The following BLK variants were observed in gnomAD, a reference collection of about 807,000 sequenced individuals.
The protein encoded by BLK is BLK proto-oncogene, Src family tyrosine kinase, also known as tyrosine-protein kinase Blk.
BLK carries 64 observed loss-of-function variants against 61.8 expected under a neutral mutation model. That is an observed-to-expected ratio of 1.03 (90% CI 0.85 to 1.27). The LOEUF (loss-of-function observed/expected upper bound fraction) is 1.27, where lower values mean the gene tolerates loss of function less well. Ranked by LOEUF, BLK falls within the 50% of genes most tolerant of loss-of-function variation. The pLI, the probability that BLK is intolerant of heterozygous loss-of-function variation, is 0.00. For missense variants in BLK, 853 were observed against 660.5 expected (o/e 1.29, Z -3.19); for synonymous variants, 351 against 272.0 (o/e 1.29, Z -2.86).
chr8:11,531,396 C>T (rs575930504), intron 1 of BLK, among the ~76,000 whole-genome samples: 19 of 152,244 alleles, frequency 1.2e-4, no homozygotes, highest in African/African-American at 4.3e-4. Flanking sequence ...TAGAAGGTCA[C>T]GTTTGTATGC....
intron 11 of BLK, 130 bp from the exon 12 acceptor site, chr8:11,562,849 G>A: frequency 1.5e-6 from 2 of 1,304,436 alleles, no homozygotes; most frequent in Non-Finnish European, 2.1e-6. Context: ...GCCATGCCTG[G>A]CCGCCCCGCC....
chr8:11,554,986 G>C lies in BLK; in HGVS notation c.619+97G>C, dbSNP rs1801129636. ...TTGTGTGAGTCATTGGTGCCACCTT[G>C]GGGGATGGAAAGATTATCCCAAAGT... On this transcript the variant is annotated intron_variant, in intron 7 of 12. Coordinates refer to ENST00000259089, the MANE Select transcript of BLK (RefSeq NM_001715.3). 4.6e-6 allele frequency: 7 copies of C among 1,519,590 alleles called. No individual in the cohort carries two copies. In the South Asian group the frequency reaches 5.9e-5, roughly 13 times the overall value. 94.1% of individuals were successfully genotyped at this position (1,519,590 alleles called of 1,614,324 possible).
intron 1 of BLK, among the ~76,000 whole-genome samples, chr8:11,531,806 A>C (rs1322949830): frequency 6.6e-6 from 1 of 152,034 alleles, no homozygotes; most frequent in Non-Finnish European, 1.5e-5. Flanking sequence ...AAGCCCTCTG[A>C]CCTTCCTTCT....
chr8:11,520,786 G>T (rs921333553), intron 1 of BLK, among the ~76,000 whole-genome samples: 17 of 152,084 alleles, frequency 1.1e-4, no homozygotes, highest in African/African-American at 3.9e-4. Context: ...TTGTCTTTCA[G>T]GGAAATCTAA....
chr8:11,559,059 G>A lies in BLK; in HGVS notation c.1029+1021G>A, dbSNP rs181300894. The A allele has an allele frequency of 3.0e-3, 1,342 of 453,092 alleles. 5 individuals carry two copies. The highest frequency in any genetic ancestry group is 4.3e-3 in the Non-Finnish European group (975 of 224,588). The allele number at this position is 453,092 out of a possible 1,614,324, so 28.1% of individuals were successfully genotyped here. A position where few individuals can be genotyped will look rare whatever the true frequency, so the allele number is the denominator to read the frequency against. ...AGTGATAAGCCTGCCCACTGCTGCT[G>A]CTTCCTTTCCCCTTCCTTCTCTCAC... On this transcript the variant is annotated intron_variant, in intron 10 of 12. Coordinates refer to ENST00000259089, the MANE Select transcript of BLK (RefSeq NM_001715.3).
intron 1 of BLK, among the ~76,000 whole-genome samples, chr8:11,534,779 C>G (rs1373476506): frequency 6.6e-6 from 1 of 152,196 alleles, no homozygotes; most frequent in Non-Finnish European, 1.5e-5. Flanking sequence ...CCACACGTGC[C>G]CAAGGCCCTT....
chr8:11,550,885 G>T (rs944175148), intron 6 of BLK, among the ~76,000 whole-genome samples: 1 of 152,196 alleles, frequency 6.6e-6, no homozygotes, highest in Non-Finnish European at 1.5e-5. Context: ...CTTGCATGAA[G>T]TATGAATGTG....
At chr8:11,519,885 A>G (rs1022314670) in intron 1 of BLK, among the ~76,000 whole-genome samples, 5 of 152,228 alleles carry the variant, frequency 3.3e-5, no homozygotes, top group African/African-American at 9.6e-5. Flanking sequence ...ACTATCAGAA[A>G]GACTAAGAAG....
chr8:11,512,197 T>A (rs1442939446), intron 1 of BLK, among the ~76,000 whole-genome samples: 1 of 152,212 alleles, frequency 6.6e-6, no homozygotes, highest in Non-Finnish European at 1.5e-5. Flanking sequence ...GAAGAAGGGA[T>A]GACTTAATGG....
intron 1 of BLK, among the ~76,000 whole-genome samples, chr8:11,503,289 TCCTGGTAG>T (rs1798637183): frequency 6.6e-6 from 1 of 152,220 alleles, no homozygotes; most frequent in Non-Finnish European, 1.5e-5. Flanking sequence ...CTGATGAGTC[TCCTGGTAG>T]CCTGTCAGCT....
At chr8:11,500,521 T>C (rs1461422122) in intron 1 of BLK, among the ~76,000 whole-genome samples, 1 of 149,418 alleles carries the variant, frequency 6.7e-6, no homozygotes, top group Non-Finnish European at 1.5e-5. Flanking sequence ...TTTTATTTTG[T>C]TTTTGTTTGT....
intron 1 of BLK, among the ~76,000 whole-genome samples, chr8:11,512,300 G>C (rs1056504206): frequency 2.0e-5 from 3 of 152,178 alleles, no homozygotes; most frequent in Non-Finnish European, 4.4e-5. Flanking sequence ...TGTGTTGTTT[G>C]TTTAGCTCTT....
chr8:11,543,368 A>G (rs1800479017), intron 2 of BLK, 21 bp downstream of exon 2: 2 of 1,611,650 alleles, frequency 1.2e-6, no homozygotes, highest in Non-Finnish European at 1.7e-6. Context: ...GCCCACCCCC[A>G]CCAAGAGCAG....
chr8:11,563,852 C>G, intron 12 of BLK, 51 bp from the exon 13 acceptor site: 1 of 1,547,104 alleles, frequency 6.5e-7, no homozygotes. Flanking sequence ...GGCCCCCCAC[C>G]CACCGAGGAC....
chr8:11,496,158 C>T (rs1352453377), intron 1 of BLK, among the ~76,000 whole-genome samples: 2 of 152,156 alleles, frequency 1.3e-5, no homozygotes, highest in African/African-American at 4.8e-5. Context: ...CTGTATTTGC[C>T]TCTCTTCATA....
At chr8:11,534,877 A>T (rs1800047521) in intron 1 of BLK, among the ~76,000 whole-genome samples, 1 of 152,326 alleles carries the variant, frequency 6.6e-6, no homozygotes, top group East Asian at 1.9e-4. Context: ...ATTTAAAAGT[A>T]TTGCACAAGG....
chr8:11,557,603 G>C (rs1448425376), intron 9 of BLK, among the ~76,000 whole-genome samples: 2 of 152,168 alleles, frequency 1.3e-5, no homozygotes, highest in Non-Finnish European at 2.9e-5. Flanking sequence ...CAGGGATCAA[G>C]GGAGCGAGGC....
chr8:11,525,629 G>A (rs1446224435), intron 1 of BLK, among the ~76,000 whole-genome samples: 1 of 152,056 alleles, frequency 6.6e-6, no homozygotes, highest in African/African-American at 2.4e-5. Context: ...CATGAATATT[G>A]TTTTCAAAAA....
At chr8:11,529,123 A>G (rs944790923) in intron 1 of BLK, among the ~76,000 whole-genome samples, 1 of 152,174 alleles carries the variant, frequency 6.6e-6, no homozygotes, top group Admixed American at 6.5e-5. Context: ...AGTAATAATA[A>G]TAATTAGCCC....
Sources: allele counts gnomAD v4.1 joint callset (sites outside exome capture counted in the v4.1 genomes callset), GRCh38; gene constraint gnomAD v4.1.1; transcripts MANE v1.5; gene names NCBI Gene and HGNC (gene_info 2026-07-23, HGNC 2026-07-21).